The following NXPH1 variants were observed in gnomAD, a reference collection of about 807,000 sequenced individuals.
NXPH1 encodes neurexophilin 1.
A neutral mutation model predicts 23.7 loss-of-function variants in NXPH1; 5 were observed. The ratio of observed to expected loss-of-function variants is 0.21; its 90% CI spans 0.11 to 0.44. The LOEUF (loss-of-function observed/expected upper bound fraction) is 0.44, where lower values mean the gene tolerates loss of function less well. Among genes scored for constraint, NXPH1 ranks in the 20% least tolerant of loss-of-function variants. The pLI is 0.99. For missense variants in NXPH1, 324 were observed against 321.6 expected (o/e 1.01, Z -0.06); for synonymous variants, 144 against 122.2 (o/e 1.18, Z -1.18).
chr7:8,493,896 G>A (rs6943789), intron 2 of NXPH1, among the ~76,000 whole-genome samples: 7,895 of 151,998 alleles, frequency 0.052, 235 homozygotes, highest in South Asian at 0.075. Flanking sequence ...GTACTATTGG[G>A]CTAAGATCCA....
chr7:8,612,765 G>C lies in NXPH1; in HGVS notation c.55-138243G>C, dbSNP rs546656141. Among the ~76,000 whole-genome samples the C allele has an allele frequency of 8.9e-4, 135 of 152,036 alleles. 1 individual carries two copies. Among genetic ancestry groups the C allele is most frequent in the Non-Finnish European group, 1.5e-3 (103 of 67,934 alleles). ...TTCCTGGCCTGGTATCATTAACCTT[G>C]CTTTGTAAATAAAGAGAGACACAGA... On this transcript the variant is annotated intron_variant, in intron 2 of 2. Coordinates refer to ENST00000405863, the MANE Select transcript of NXPH1 (RefSeq NM_152745.3).
intron 2 of NXPH1, among the ~76,000 whole-genome samples, chr7:8,607,174 T>C (rs927183453): frequency 6.6e-5 from 10 of 152,172 alleles, no homozygotes; most frequent in Non-Finnish European, 1.3e-4. Context: ...TGAAATCACA[T>C]TGGAACATTT....
chr7:8,438,285 C>T (rs745472772), intron 2 of NXPH1, among the ~76,000 whole-genome samples: 8 of 152,214 alleles, frequency 5.3e-5, no homozygotes, highest in Non-Finnish European at 1.0e-4. Context: ...CTGGATTGAT[C>T]ATTTGTTTGT....
intron 2 of NXPH1, among the ~76,000 whole-genome samples, chr7:8,523,026 G>C (rs1817798826): frequency 6.6e-6 from 1 of 152,204 alleles, no homozygotes; most frequent in Admixed American, 6.5e-5. Flanking sequence ...TTCCTCATCT[G>C]TAAAATGGGA....
intron 2 of NXPH1, among the ~76,000 whole-genome samples, chr7:8,684,216 T>G (rs535185092): frequency 2.0e-5 from 3 of 152,248 alleles, no homozygotes; most frequent in Non-Finnish European, 1.5e-5. Flanking sequence ...TATTTCTGGG[T>G]TTGTTAATAT....
At chr7:8,563,876 G>C (rs1207371095) in intron 2 of NXPH1, among the ~76,000 whole-genome samples, 1 of 151,724 alleles carries the variant, frequency 6.6e-6, no homozygotes, top group East Asian at 1.9e-4. Context: ...GTTAAAAATT[G>C]ATGGGCCATT....
At chr7:8,455,622 A>G (rs1278473784) in intron 2 of NXPH1, among the ~76,000 whole-genome samples, 1 of 152,128 alleles carries the variant, frequency 6.6e-6, no homozygotes, top group African/African-American at 2.4e-5. Flanking sequence ...GTTAATTCCC[A>G]GAAAGGATCA....
chr7:8,438,543 C>A (rs540018502), intron 2 of NXPH1, among the ~76,000 whole-genome samples: 1 of 152,206 alleles, frequency 6.6e-6, no homozygotes, highest in African/African-American at 2.4e-5. Context: ...TATCTCAGTG[C>A]ACCTTGACCT....
At chr7:8,531,154 G>C (rs1817943110) in intron 2 of NXPH1, among the ~76,000 whole-genome samples, 1 of 152,136 alleles carries the variant, frequency 6.6e-6, no homozygotes, top group Admixed American at 6.5e-5. Flanking sequence ...TGCCCTGCCA[G>C]CCTATTAAGC....
intron 2 of NXPH1, among the ~76,000 whole-genome samples, chr7:8,548,568 A>T (rs1405487434): frequency 6.6e-6 from 1 of 151,492 alleles, no homozygotes; most frequent in African/African-American, 2.4e-5. Context: ...TCTCTGCGAG[A>T]CTGCCTAATG....
intron 2 of NXPH1, among the ~76,000 whole-genome samples, chr7:8,547,300 T>G (rs1055864035): frequency 1.3e-5 from 2 of 151,308 alleles, no homozygotes; most frequent in African/African-American, 4.8e-5. Context: ...GAAAAACATA[T>G]AGATTACGAG....
At chr7:8,511,714 A>G (rs1015436813) in intron 2 of NXPH1, among the ~76,000 whole-genome samples, 47 of 152,136 alleles carry the variant, frequency 3.1e-4, no homozygotes, top group African/African-American at 1.0e-3. Flanking sequence ...AGTATACTAC[A>G]GCAAATAACA....
chr7:8,645,414 A>C (rs959941851), intron 2 of NXPH1, among the ~76,000 whole-genome samples: 3 of 151,996 alleles, frequency 2.0e-5, no homozygotes, highest in African/African-American at 7.2e-5. Context: ...GATTCCTATG[A>C]TCCTGAACAT....
chr7:8,627,730 A>C (rs977168079), intron 2 of NXPH1, among the ~76,000 whole-genome samples: 2 of 152,158 alleles, frequency 1.3e-5, no homozygotes, highest in Non-Finnish European at 2.9e-5. Context: ...TTGCACTTCA[A>C]TGGATTAAAA....
chr7:8,440,269 A>G (rs2128604021), intron 2 of NXPH1, among the ~76,000 whole-genome samples: 1 of 152,350 alleles, frequency 6.6e-6, no homozygotes, highest in East Asian at 1.9e-4. Flanking sequence ...AGCTCGCCCA[A>G]GTGTGTGGGA....
At chr7:8,571,438 G>T (rs1818645650) in intron 2 of NXPH1, among the ~76,000 whole-genome samples, 1 of 151,722 alleles carries the variant, frequency 6.6e-6, no homozygotes, top group Non-Finnish European at 1.5e-5. Flanking sequence ...GGGGAACAGA[G>T]GTGGGAAAAA....
chr7:8,704,640 C>A (rs1343995296), intron 2 of NXPH1, among the ~76,000 whole-genome samples: 1 of 151,814 alleles, frequency 6.6e-6, no homozygotes, highest in East Asian at 1.9e-4. Flanking sequence ...CAGGAGTAGC[C>A]AATTAGCATG....
intron 2 of NXPH1, among the ~76,000 whole-genome samples, chr7:8,542,284 A>G (rs1818129867): frequency 6.6e-6 from 1 of 151,608 alleles, no homozygotes; most frequent in Admixed American, 6.6e-5. Context: ...TTAAATGGTC[A>G]TGTAATTATA....
intron 2 of NXPH1, among the ~76,000 whole-genome samples, chr7:8,626,384 C>CTT (rs542544198): frequency 2.3e-3 from 308 of 136,312 alleles, no homozygotes; most frequent in African/African-American, 7.8e-3. Flanking sequence ...ATGCAGTTTA[C>CTT]TTTTTTTTTT....
Sources: allele counts gnomAD v4.1 joint callset (sites outside exome capture counted in the v4.1 genomes callset), GRCh38; gene constraint gnomAD v4.1.1; transcripts MANE v1.5; gene names NCBI Gene and HGNC (gene_info 2026-07-23, HGNC 2026-07-21).